Variants in ZSCAN5A observed in about 807,000 individuals in gnomAD.
ZSCAN5A encodes the protein zinc finger and SCAN domain containing 5A, also known as zinc finger and SCAN domain-containing protein 5A.
In ZSCAN5A, 12 loss-of-function variants were observed where a neutral mutation model predicts 23.7. The observed-to-expected ratio is 0.51, with a 90% confidence interval of 0.32 to 0.82. The LOEUF (loss-of-function observed/expected upper bound fraction) is 0.82, where lower values mean the gene tolerates loss of function less well. Among genes scored for constraint, ZSCAN5A ranks in the 40% least tolerant of loss-of-function variants. ZSCAN5A has a pLI of 0.03. For missense variants in ZSCAN5A, 597 were observed against 617.9 expected (o/e 0.97, Z 0.36); for synonymous variants, 257 against 239.9 (o/e 1.07, Z -0.66).
At chr19:56,363,268 G>C (rs1182586404) in exon 2 of ZSCAN5A, 1 of 152,192 alleles carries the variant, frequency 6.6e-6, no homozygotes, top group African/African-American at 2.4e-5. Flanking sequence ...TGCCAGATAA[G>C]CGAAATGAAT....
intron 2 of ZSCAN5A, among the ~76,000 whole-genome samples, chr19:56,296,799 C>T (rs1395379431): frequency 6.6e-6 from 1 of 151,960 alleles, no homozygotes; most frequent in Non-Finnish European, 1.5e-5. Context: ...TTTGGGAGGC[C>T]GACGTGGGTG....
chr19:56,321,195 A>G, intron 2 of ZSCAN5A: 1 of 663,060 alleles, frequency 1.5e-6, no homozygotes, highest in Non-Finnish European at 2.8e-6. Flanking sequence ...ATTCAAAATG[A>G]AGTTAATATC....
At chr19:56,287,347 G>A (rs1320226069) in intron 2 of ZSCAN5A, among the ~76,000 whole-genome samples, 2 of 152,076 alleles carry the variant, frequency 1.3e-5, no homozygotes, top group Non-Finnish European at 2.9e-5. Context: ...GTCCAGCCTC[G>A]AGCACATGGT....
intron 2 of ZSCAN5A, among the ~76,000 whole-genome samples, chr19:56,226,419 T>G (rs1599992695): frequency 1.3e-5 from 2 of 152,326 alleles, no homozygotes; most frequent in African/African-American, 4.8e-5. Flanking sequence ...GGCGCCTGTG[T>G]GGACATCTCA....
At chr19:56,229,981 T>C (rs1443784202) in intron 2 of ZSCAN5A, among the ~76,000 whole-genome samples, 5 of 152,168 alleles carry the variant, frequency 3.3e-5, no homozygotes, top group Non-Finnish European at 7.3e-5. Flanking sequence ...GTTTTACTGG[T>C]GGAGGTTTCA....
chr19:56,320,733 A>T, intron 2 of ZSCAN5A: 1 of 1,220,870 alleles, frequency 8.2e-7, no homozygotes, highest in Non-Finnish European at 1.2e-6. Flanking sequence ...GGAAATTCTG[A>T]CACAAGACGT....
At chr19:56,317,156 A>G (rs2041325869), upstream of ZSCAN5A, 1 of 152,272 alleles carries the variant, frequency 6.6e-6, no homozygotes, top group African/African-American at 2.4e-5. Flanking sequence ...TAAACATTGA[A>G]TAGTGTTCCT....
At chr19:56,363,486 G>A (rs1302551249) in intron 1 of ZSCAN5A, 7 of 152,240 alleles carry the variant, frequency 4.6e-5, no homozygotes, top group Admixed American at 2.0e-4. Flanking sequence ...GCAAAGATTG[G>A]AAGAGTTTGG....
intron 2 of ZSCAN5A, among the ~76,000 whole-genome samples, chr19:56,256,854 A>G (rs1336359029): frequency 1.3e-5 from 2 of 152,092 alleles, no homozygotes; most frequent in Non-Finnish European, 1.5e-5. Flanking sequence ...CACTGGAAAA[A>G]TCCGGAGCCA....
intron 2 of ZSCAN5A, among the ~76,000 whole-genome samples, chr19:56,241,897 T>C (rs1473751895): frequency 1.3e-5 from 2 of 152,222 alleles, no homozygotes; most frequent in African/African-American, 4.8e-5. Flanking sequence ...TACATGAGTG[T>C]ATTGAGTGAT....
chr19:56,366,822 T>C (rs2041770096), intron 1 of ZSCAN5A, among the ~76,000 whole-genome samples: 2 of 152,160 alleles, frequency 1.3e-5, no homozygotes, highest in African/African-American at 4.8e-5. Context: ...TTGCAGACCA[T>C]AGAACACTTC....
At chr19:56,239,945 C>T (rs970940707) in intron 2 of ZSCAN5A, among the ~76,000 whole-genome samples, 40 of 152,076 alleles carry the variant, frequency 2.6e-4, no homozygotes, top group African/African-American at 9.7e-4. Context: ...GGGCAGATCA[C>T]TAGGTCAGGA....
chr19:56,293,885 C>A (rs556505580), intron 2 of ZSCAN5A, among the ~76,000 whole-genome samples: 10 of 152,244 alleles, frequency 6.6e-5, no homozygotes, highest in Admixed American at 6.5e-4. Flanking sequence ...AAATGTCACT[C>A]GTCTGGAGGT....
At chr19:56,349,704 C>CAAA (rs3059533) in intron 2 of ZSCAN5A, among the ~76,000 whole-genome samples, 1 of 30,902 alleles carries the variant, frequency 3.2e-5, no homozygotes, top group African/African-American at 1.0e-4. Flanking sequence ...AACTCCGTCT[C>CAAA]AAAAAAAAAA....
At chr19:56,239,382 C>G (rs1039759103) in intron 2 of ZSCAN5A, among the ~76,000 whole-genome samples, 2 of 152,208 alleles carry the variant, frequency 1.3e-5, no homozygotes, top group African/African-American at 4.8e-5. Context: ...AGTTTTCATT[C>G]CACAATGACT....
intron 2 of ZSCAN5A, among the ~76,000 whole-genome samples, chr19:56,353,335 T>C (rs1474269633): frequency 6.6e-6 from 1 of 152,216 alleles, no homozygotes; most frequent in Non-Finnish European, 1.5e-5. Context: ...AGTGCATGTG[T>C]GCAGTGGTTC....
intron 3 of ZSCAN5A, chr19:56,224,367 C>T (rs1348067702): frequency 6.6e-6 from 3 of 455,266 alleles, no homozygotes; most frequent in Non-Finnish European, 1.2e-5. Flanking sequence ...CCCCCTCTGC[C>T]TGTCCATCTC....
chr19:56,321,629 A>G (rs2041376873), intron 2 of ZSCAN5A: 1 of 861,158 alleles, frequency 1.2e-6, no homozygotes. Flanking sequence ...GGCAAGGTTC[A>G]TCCATGCATC....
At chr19:56,303,754 T>G (rs182716562) in intron 2 of ZSCAN5A, among the ~76,000 whole-genome samples, 19 of 152,204 alleles carry the variant, frequency 1.2e-4, no homozygotes, top group Admixed American at 4.6e-4. Flanking sequence ...AAACATGAAC[T>G]AAATCAGGGT....
Sources: allele counts gnomAD v4.1 joint callset (sites outside exome capture counted in the v4.1 genomes callset), GRCh38; gene constraint gnomAD v4.1.1; transcripts MANE v1.5; gene names NCBI Gene and HGNC (gene_info 2026-07-23, HGNC 2026-07-21).